The following ZSCAN20 variants were observed in gnomAD, a reference collection of about 807,000 sequenced individuals.
The protein encoded by ZSCAN20 is zinc finger and SCAN domain containing 20.
A neutral mutation model predicts 97.1 loss-of-function variants in ZSCAN20; 39 were observed. The observed-to-expected ratio is 0.40, with a 90% CI of 0.31 to 0.52. ZSCAN20 has a LOEUF of 0.52. ZSCAN20 is among the 20% of genes least tolerant of loss of function. ZSCAN20 has a pLI of 0.49. For missense variants in ZSCAN20, 1,115 were observed against 1,290.4 expected, an observed-to-expected ratio of 0.86 and a Z score of 2.08; for synonymous variants, 456 against 467.3, an observed-to-expected ratio of 0.98 and a Z score of 0.31.
At chr1:33,476,191 G>A (rs187953528) in intron 1 of ZSCAN20, among the ~76,000 whole-genome samples, 2 of 152,300 alleles carry the variant, frequency 1.3e-5, no homozygotes, top group East Asian at 3.9e-4. Context: ...ACTGAGGAAT[G>A]CCCCGGTCCA....
At chr1:33,492,910 A>G (rs1652683292) in intron 6 of ZSCAN20, among the ~76,000 whole-genome samples, 1 of 152,106 alleles carries the variant, frequency 6.6e-6, no homozygotes, top group Non-Finnish European at 1.5e-5. Context: ...GGCACATGGG[A>G]TCACCTGATA....
chr1:33,493,332 G>C lies in ZSCAN20; in HGVS notation c.1590G>C (p.Leu530=). 1 of 1,614,164 alleles carries C rather than the reference G, an allele frequency of 6.2e-7. No homozygotes were observed. Among genetic ancestry groups the C allele is most frequent in the Non-Finnish European group, 8.5e-7 (1 of 1,180,024 alleles). Reference sequence around the variant, plus strand: ...AGCGGCTGTGTGCTCTGGGCTTCCTGCGGACACTGGAGCAGTGTCGCTACA... The same window carrying C: ...AGCGGCTGTGTGCTCTGGGCTTCCTCCGGACACTGGAGCAGTGTCGCTACA... The part of the protein sequence containing the change: ...IAERLCALGF[L]RTLEQCRYRF... The change falls in exon 7 of 8, where the codon CTG becomes CTC. Residue 530 remains leucine, a synonymous_variant. Coordinates refer to ENST00000684572, the MANE Select transcript of ZSCAN20 (RefSeq NM_001377376.1). This position sits in a 1 kb window ranked among gnomAD's most constrained non-coding sequence, Gnocchi z 4.3.
rs770109963 is a variant in ZSCAN20 at position 33,494,918 on chromosome 1, G to A, written c.2574G>A (p.Lys858=). 8 of 1,614,196 alleles carry A rather than the reference G, an allele frequency of 5.0e-6. No individual in the cohort carries two copies. Among genetic ancestry groups the A allele is most frequent in the South Asian group, 1.1e-5 (1 of 91,088 alleles). ...CTGAACAACCTCAAAGTATCAGTAA[G>A]GACTTGAATTCTCCTGGACCACACA... is the stretch of plus-strand genomic sequence containing the variant. The part of the protein sequence containing the change: ...TAPEQPQSIS[K]DLNSPGPHST... The change falls in exon 8 of 8, where the codon AAG becomes AAA. Residue 858 remains lysine, a synonymous_variant. Transcript: ENST00000684572.
Position 33,494,310 on chromosome 1 carries a change from G to T in ZSCAN20, c.1966G>T (p.Ala656Ser). ...AGCCTTATCAAAATGTCCTACAGAAGCTGTTTGCCAACCTCTTGACTGGGG... is the reference window on the plus strand; with the variant it reads ...AGCCTTATCAAAATGTCCTACAGAATCTGTTTGCCAACCTCTTGACTGGGG... ...PGALSKCPTE[A>S]VCQPLDWGED... The change falls in exon 8 of 8, where the codon GCT becomes TCT. Residue 656 changes from alanine to serine, a missense_variant. Coordinates refer to ENST00000684572, the MANE Select transcript of ZSCAN20 (RefSeq NM_001377376.1). 6.2e-7 allele frequency: 1 copy of T among 1,614,154 alleles called. No homozygotes were observed. Among genetic ancestry groups the T allele is most frequent in the Non-Finnish European group, 8.5e-7 (1 of 1,180,018 alleles).
At chr1:33,474,670 C>A (rs1022923611) in intron 1 of ZSCAN20, among the ~76,000 whole-genome samples, 9 of 152,224 alleles carry the variant, frequency 5.9e-5, no homozygotes, top group African/African-American at 2.4e-5. Context: ...AGTCCACCAT[C>A]ATGCTTTATT....
chr1:33,491,283 C>T lies in ZSCAN20; in HGVS notation c.1025C>T (p.Pro342Leu), dbSNP rs1652594637. Residue 342 changes from proline to leucine, a missense_variant, in exon 6 of 8, where the codon CCT becomes CTT. Around this residue, in one of 3 missense-constraint regions of ZSCAN20, gnomAD observed 508 missense variants for 611.2 expected, o/e 0.83. Transcript: ENST00000684572. This position sits in a 1 kb window ranked among gnomAD's most constrained non-coding sequence, Gnocchi z 4.3. ...KTFLAILSES[P>L]FSEKLRTCHQ... ...TTCCTGGCAATTTTGAGTGAATCTC[C>T]TTTCTCTGAAAAGCTCCGGACTTGT... is the stretch of plus-strand genomic sequence containing the variant. The T allele has an allele frequency of 6.2e-7, 1 of 1,614,194 alleles. No individual in the cohort carries two copies. Among genetic ancestry groups the T allele is most frequent in the African/African-American group, 1.3e-5 (1 of 75,038 alleles).
intron 1 of ZSCAN20, among the ~76,000 whole-genome samples, chr1:33,474,534 G>C: frequency 6.6e-6 from 1 of 152,196 alleles, no homozygotes; most frequent in East Asian, 1.9e-4. Flanking sequence ...TTTGATGGCA[G>C]TCAGCACTTA....
intron 2 of ZSCAN20, among the ~76,000 whole-genome samples, chr1:33,483,702 A>G (rs1308397197): frequency 1.3e-5 from 2 of 151,674 alleles, no homozygotes; most frequent in African/African-American, 4.8e-5. Context: ...AAAACAAACG[A>G]ACAAAAAAAG....
At position 33,491,223 on chromosome 1, in the gene ZSCAN20, C is replaced by T. The variant is rs371079800; in HGVS notation, c.965C>T (p.Ser322Leu). The T allele has an allele frequency of 2.4e-5, 38 of 1,614,006 alleles. No homozygotes were observed. Among genetic ancestry groups the T allele is most frequent in the Non-Finnish European group, 2.9e-5 (34 of 1,180,032 alleles). ...TGGGATGTGGAGGACATGAAGGTGT[C>T]AGGTGTTCACTGGGGCTATGAGGAG... ...YQWDVEDMKV[S>L]GVHWGYEETK... The change falls in exon 6 of 8, where the codon TCA becomes TTA. Residue 322 changes from serine to leucine, a missense_variant. By Grantham distance (145) the Ser-to-Leu change is moderately radical. This residue lies in a region of ZSCAN20 where 508 missense variants were observed against 611.2 expected (regional missense o/e 0.83). Transcript: ENST00000684572. This position sits in a 1 kb window ranked among gnomAD's most constrained non-coding sequence, Gnocchi z 4.3.
intron 4 of ZSCAN20, 46 bp from the exon 5 acceptor site, chr1:33,489,472 T>A: frequency 6.3e-7 from 1 of 1,596,138 alleles, no homozygotes; most frequent in Non-Finnish European, 8.6e-7. Flanking sequence ...TAGGCTGTTG[T>A]CAAAGGTCAG....
At position 33,500,663 on chromosome 1, in the gene ZSCAN20, CTTT is replaced by C. The variant is rs36062419; in HGVS notation, c.*5201_*5203del. Among the ~76,000 whole-genome samples the C allele has an allele frequency of 7.1e-5, 10 of 141,392 alleles. No individual in the cohort carries two copies. The highest frequency in any genetic ancestry group is 9.2e-5 in the Non-Finnish European group (6 of 65,414). 92.8% of individuals were successfully genotyped at this position (141,392 alleles called of 152,430 possible). A position where few individuals can be genotyped will look rare whatever the true frequency, so the allele number is the denominator to read the frequency against. On this transcript the variant is annotated 3_prime_UTR_variant, in exon 8 of 8. Coordinates refer to ENST00000684572, the MANE Select transcript of ZSCAN20 (RefSeq NM_001377376.1). ...TACATGATACTTATTTCTAAAGTCA[CTTT>C]TTTTTTTTTTTTTACATTTTCATTG... is the stretch of plus-strand genomic sequence containing the variant.
At chr1:33,490,923 G>A (rs1652577624) in intron 5 of ZSCAN20, 102 bp from the exon 6 acceptor site, 6 of 1,141,952 alleles carry the variant, frequency 5.3e-6, no homozygotes, top group African/African-American at 3.1e-5. Flanking sequence ...GGAATTTCTC[G>A]TTAGCCTCTT....
intron 2 of ZSCAN20, among the ~76,000 whole-genome samples, chr1:33,487,177 C>T (rs1311243874): frequency 2.0e-5 from 3 of 151,922 alleles, no homozygotes; most frequent in South Asian, 4.2e-4. Flanking sequence ...AGAACGGGGT[C>T]GATGGGATGA....
chr1:33,485,743 A>G (rs1652340301), intron 2 of ZSCAN20, among the ~76,000 whole-genome samples: 1 of 152,102 alleles, frequency 6.6e-6, no homozygotes, highest in Admixed American at 6.5e-5. Flanking sequence ...CTAGAGGCTT[A>G]TTGATGTTAT....
In ZSCAN20 at chr1:33,479,521, G is replaced by T. The variant is rs375588396; in HGVS notation, c.233G>T (p.Arg78Leu). The T allele has an allele frequency of 6.2e-7, 1 of 1,613,234 alleles. No individual in the cohort carries two copies. Among genetic ancestry groups the T allele is most frequent in the Admixed American group, 1.7e-5 (1 of 59,924 alleles). Residue 78 changes from arginine to leucine, a missense_variant, in exon 2 of 8, where the codon CGT becomes CTT. Coordinates refer to ENST00000684572, the MANE Select transcript of ZSCAN20 (RefSeq NM_001377376.1). ...AGCCAGCTCTGGGCTCTCTGCTGTC[G>T]TTGGCTGAGGCCGGAGATCCGTCTC... ...AFSQLWALCC[R>L]WLRPEIRLKE... is the part of the protein sequence containing the mutation.
intron 1 of ZSCAN20, among the ~76,000 whole-genome samples, chr1:33,477,809 G>T (rs1052533125): frequency 1.3e-5 from 2 of 151,310 alleles, no homozygotes; most frequent in African/African-American, 4.9e-5. Flanking sequence ...TGATCTAGTG[G>T]GTAAGAAAAT....
chr1:33,495,040 GA>G lies in ZSCAN20; in HGVS notation c.2697del (p.Glu900ArgfsTer163). Reference sequence around the variant, plus strand: ...ATTAGTCACCAAAGAATCCATACGGGAGAGAAACCATATGAATGTGCCGAAT... The same window carrying G: ...ATTAGTCACCAAAGAATCCATACGGGGAGAAACCATATGAATGTGCCGAAT... ...ALISHQRIHT[G>X]EKPYECAECG... On this transcript the variant is annotated frameshift_variant, in exon 8 of 8. Coordinates refer to ENST00000684572, the MANE Select transcript of ZSCAN20 (RefSeq NM_001377376.1). LOFTEE classifies it high-confidence loss of function. The G allele has an allele frequency of 6.2e-7, 1 of 1,613,536 alleles. No homozygotes were observed. Among genetic ancestry groups the G allele is most frequent in the Non-Finnish European group, 8.5e-7 (1 of 1,179,586 alleles).
At position 33,497,474 on chromosome 1, in the gene ZSCAN20, T is replaced by TG. The variant is rs1310336426; in HGVS notation, c.*1999dup. Among the ~76,000 whole-genome samples the TG allele has an allele frequency of 6.6e-6, 1 of 151,968 alleles. No individual in the cohort carries two copies. The highest frequency in any genetic ancestry group is 2.4e-5 in the African/African-American group (1 of 41,360). On this transcript the variant is annotated 3_prime_UTR_variant, in exon 8 of 8. Transcript: ENST00000684572. ...GAATAGCATGGATTCAGGGTGGGGT[T>TG]GTATGATGGGAGGTTGGGAACAGGG...
In ZSCAN20 at chr1:33,479,720, C is replaced by A. The variant is rs1355097412; in HGVS notation, c.417+15C>A. The A allele has an allele frequency of 6.7e-7, 1 of 1,494,772 alleles. No individual in the cohort carries two copies. The highest frequency in any genetic ancestry group is 2.3e-5 in the East Asian group (1 of 42,662). 92.6% of individuals were successfully genotyped at this position (1,494,772 alleles called of 1,614,324 possible). Reference sequence around the variant, plus strand: ...CAGGACAGTCGGTGAGACAAACAGTCTTCTCCTGCAGAGGAGTGGGTCAGG... The same window carrying A: ...CAGGACAGTCGGTGAGACAAACAGTATTCTCCTGCAGAGGAGTGGGTCAGG... On this transcript the variant is annotated intron_variant, in intron 2 of 7. Coordinates refer to ENST00000684572, the MANE Select transcript of ZSCAN20 (RefSeq NM_001377376.1).
Sources: allele counts gnomAD v4.1 joint callset (sites outside exome capture counted in the v4.1 genomes callset), GRCh38; gene constraint gnomAD v4.1.1; regional missense constraint gnomAD v4.1.1; non-coding constraint Gnocchi (gnomAD v3.1); transcripts MANE v1.5; gene names NCBI Gene and HGNC (gene_info 2026-07-23, HGNC 2026-07-21).